The following ZFAT variants were observed in gnomAD, a reference collection of about 807,000 sequenced individuals.
ZFAT encodes zinc finger and AT-hook domain containing, also known as zinc finger protein ZFAT.
ZFAT carries 64 observed loss-of-function variants against 117.7 expected under a neutral mutation model. That is an observed-to-expected ratio of 0.54 (90% CI 0.44 to 0.67). The LOEUF is 0.67. ZFAT is among the 30% of genes least tolerant of loss of function. The pLI is 0.00. For synonymous variants in ZFAT, 679 were observed against 615.0 expected, an observed-to-expected ratio of 1.10 and a Z score of -1.54; for missense variants, 1,433 against 1,584.5, an observed-to-expected ratio of 0.90 and a Z score of 1.62.
the ZFAT span, among the ~76,000 whole-genome samples, chr8:134,812,037 G>A: frequency 3.3e-5 from 5 of 152,134 alleles, no homozygotes; most frequent in Non-Finnish European, 5.9e-5. Flanking sequence ...CCAGCTACTC[G>A]AGAAGCTGAC....
intron 3 of ZFAT, among the ~76,000 whole-genome samples, chr8:134,634,535 G>C (rs1830089393): frequency 6.6e-6 from 1 of 151,882 alleles, no homozygotes; most frequent in Non-Finnish European, 1.5e-5. Flanking sequence ...TCTGGTTCTA[G>C]GAATTTATCC....
At chr8:134,712,767 A>G (rs1226752085) in intron 1 of ZFAT, 78 bp downstream of exon 1, 8 of 1,392,862 alleles carry the variant, frequency 5.7e-6, no homozygotes, top group East Asian at 6.1e-5. Flanking sequence ...TCCCGACTCG[A>G]CGCTCGAAAC....
Position 134,602,609 on chromosome 8 carries a change from G to C in ZFAT, c.1110C>G (p.Ile370Met). Residue 370 changes from isoleucine (I) to methionine (M), a missense_variant, in exon 6 of 16, where the codon ATC becomes ATG. This residue lies in a region of ZFAT where 436 missense variants were observed against 482.0 expected (regional missense o/e 0.90). Transcript: ENST00000377838. ...GGTCATGCGCGTCTCGGATGTGCTT[G>C]ATGAGGTTCTTGACGTCAGAGTACT... ...KKKYSDVKNL[I>M]KHIRDAHDPQ... 1 of 1,614,210 alleles carries C rather than the reference G, an allele frequency of 6.2e-7. No individual in the cohort carries two copies. Among genetic ancestry groups the C allele is most frequent in the Non-Finnish European group, 8.5e-7 (1 of 1,180,056 alleles).
chr8:134,725,394 G>A, the ZFAT span, among the ~76,000 whole-genome samples: 1 of 152,290 alleles, frequency 6.6e-6, no homozygotes, highest in East Asian at 1.9e-4. Flanking sequence ...CTCAGCTTCT[G>A]GGGAAGCCTC....
At chr8:134,594,741 G>C (rs1299887709) in intron 7 of ZFAT, 1 of 152,120 alleles carries the variant, frequency 6.6e-6, no homozygotes, top group Admixed American at 6.5e-5. Flanking sequence ...ATTTCCAGGG[G>C]ATTTGTTAGG....
At chr8:134,805,952 G>A in the ZFAT span, among the ~76,000 whole-genome samples, 2 of 151,890 alleles carry the variant, frequency 1.3e-5, no homozygotes, top group African/African-American at 2.4e-5. Flanking sequence ...ACTGCAGCCT[G>A]GGCGACAGAG....
At position 134,512,496 on chromosome 8, in the gene ZFAT, G is replaced by A; in HGVS notation, c.3340C>T (p.Leu1114=). 6.2e-7 allele frequency: 1 copy of A among 1,614,000 alleles called. No homozygotes were observed. Among genetic ancestry groups the A allele is most frequent in the Non-Finnish European group, 8.5e-7 (1 of 1,179,872 alleles). The change falls in exon 14 of 16, where the codon CTG becomes TTG. Residue 1114 remains leucine, a synonymous_variant. Coordinates refer to ENST00000377838, the MANE Select transcript of ZFAT (RefSeq NM_020863.4). ...TCACCACTCTCAGAGGTGTATCTCA[G>A]GTCCTGGAGCGCGGCCACCGCTGCC... ...TQAAVAALQD[L]RYTSESGDRL...
At chr8:134,558,986 T>C (rs1420937692) in intron 11 of ZFAT, among the ~76,000 whole-genome samples, 2 of 152,258 alleles carry the variant, frequency 1.3e-5, no homozygotes, top group African/African-American at 4.8e-5. Context: ...AGAATCTCAA[T>C]GAAATTCCAA....
At chr8:134,609,785 T>C (rs1290979164) in intron 4 of ZFAT, among the ~76,000 whole-genome samples, 1 of 152,182 alleles carries the variant, frequency 6.6e-6, no homozygotes, top group Non-Finnish European at 1.5e-5. Context: ...GTGTCACATA[T>C]CCACCAGCTA....
At chr8:134,756,098 T>C in the ZFAT span, among the ~76,000 whole-genome samples, 164 of 152,338 alleles carry the variant, frequency 1.1e-3, no homozygotes, top group African/African-American at 3.7e-3. Context: ...ACCAGTCCTC[T>C]TTTCCTGGAA....
intron 3 of ZFAT, among the ~76,000 whole-genome samples, chr8:134,623,317 T>A (rs749288924): frequency 6.6e-6 from 1 of 152,234 alleles, no homozygotes; most frequent in Non-Finnish European, 1.5e-5. Context: ...CACTCCCCTG[T>A]GGGGGCCTCA....
At chr8:134,590,491 C>G in intron 7 of ZFAT, 136 bp from the exon 8 acceptor site, 1 of 637,998 alleles carries the variant, frequency 1.6e-6, no homozygotes, top group Non-Finnish European at 2.8e-6. Context: ...ATCACCACCA[C>G]CACCATCACA....
the ZFAT span, among the ~76,000 whole-genome samples, chr8:134,817,576 C>T: frequency 2.6e-5 from 4 of 152,120 alleles, no homozygotes; most frequent in African/African-American, 4.8e-5. Flanking sequence ...AAGTGCTATA[C>T]CATGTTCATG....
chr8:134,742,622 G>C, the ZFAT span, among the ~76,000 whole-genome samples: 3,265 of 152,220 alleles, frequency 0.021, 42 homozygotes, highest in Middle Eastern at 0.048. Flanking sequence ...CCAGCCCCTC[G>C]GCTCTCTGCT....
rs1328008318 is a variant in ZFAT at position 134,601,990 on chromosome 8, G to C, written c.1729C>G (p.Leu577Val). 10 of 1,613,436 alleles carry C rather than the reference G, an allele frequency of 6.2e-6. No individual in the cohort carries two copies. The highest frequency in any genetic ancestry group is 8.5e-6 in the Non-Finnish European group (10 of 1,179,904). ...GAGGAGGAGACCACGGTGGTTTCCA[G>C]CTCACAGGGTGGCAGGGCTGTGCTT... ...AESTALPPCE[L>V]ETTVVSSSDL... is the part of the protein sequence containing the mutation. Residue 577 changes from leucine (L) to valine (V), a missense_variant, in exon 6 of 16, where the codon CTG becomes GTG. Transcript: ENST00000377838.
chr8:134,806,652 A>C, the ZFAT span, among the ~76,000 whole-genome samples: 2 of 152,322 alleles, frequency 1.3e-5, no homozygotes, highest in South Asian at 2.1e-4. Flanking sequence ...ACTGATCAAA[A>C]GACATTTTTA....
At chr8:134,744,247 T>C in the ZFAT span, among the ~76,000 whole-genome samples, 1 of 151,972 alleles carries the variant, frequency 6.6e-6, no homozygotes, top group Admixed American at 6.6e-5. Context: ...TTTTGCAGGC[T>C]GTTGTTCTTG....
At chr8:134,709,112 C>T (rs1813893134) in intron 1 of ZFAT, among the ~76,000 whole-genome samples, 1 of 152,120 alleles carries the variant, frequency 6.6e-6, no homozygotes, top group African/African-American at 2.4e-5. Context: ...GGTGACACCC[C>T]ATCTCTACAA....
At chr8:134,612,680 A>C (rs1828430765) in intron 3 of ZFAT, among the ~76,000 whole-genome samples, 1 of 152,234 alleles carries the variant, frequency 6.6e-6, no homozygotes, top group Non-Finnish European at 1.5e-5. Context: ...AAAGGTCCTT[A>C]ATCATATAAC....
Sources: gnomAD v4.1 joint callset for allele counts (sites outside exome capture counted in the v4.1 genomes callset) on GRCh38, gnomAD v4.1.1 for gene constraint, gnomAD v4.1.1 regional missense constraint, MANE v1.5 for transcripts, NCBI Gene and HGNC (gene_info 2026-07-23, HGNC 2026-07-21) for gene names.